NBAS: variants seen among roughly 807,000 people sequenced by gnomAD.
NBAS encodes the protein NAG/BC035112 fusion.
NBAS carries 219 observed loss-of-function variants against 302.5 expected under a neutral mutation model. That is an observed-to-expected ratio of 0.72 (90% CI 0.65 to 0.81). The LOEUF (loss-of-function observed/expected upper bound fraction) is 0.81. Among genes scored for constraint, NBAS ranks in the 30% least tolerant of loss-of-function variants. The probability of loss-of-function intolerance (pLI) is 0.00; values close to 1 mark genes in which losing one functional copy is unlikely to be tolerated. For missense variants in NBAS, 2,932 were observed against 2,841.6 expected, an observed-to-expected ratio of 1.03 and a Z score of -0.72; for synonymous variants, 1,118 against 1,021.6, an observed-to-expected ratio of 1.09 and a Z score of -1.80.
chr2:14,819,078 T>C, the NBAS span, among the ~76,000 whole-genome samples: 3 of 152,204 alleles, frequency 2.0e-5, no homozygotes, highest in Non-Finnish European at 4.4e-5. Context: ...GTCATAACCC[T>C]CTTGCCCTGA....
chr2:15,065,128 T>C, the NBAS span, among the ~76,000 whole-genome samples: 1 of 152,120 alleles, frequency 6.6e-6, no homozygotes, highest in Non-Finnish European at 1.5e-5. Flanking sequence ...TGTTAATTAG[T>C]ACAAATATGT....
At chr2:15,069,308 T>C in the NBAS span, among the ~76,000 whole-genome samples, 1 of 152,198 alleles carries the variant, frequency 6.6e-6, no homozygotes, top group Non-Finnish European at 1.5e-5. Context: ...CTAAAATAGC[T>C]CCTGATGACG....
chr2:15,501,667 G>A (rs962410461), intron 11 of NBAS, among the ~76,000 whole-genome samples: 1 of 140,120 alleles, frequency 7.1e-6, no homozygotes, highest in Non-Finnish European at 1.5e-5. Flanking sequence ...TCGGCTCACT[G>A]CAAGCTCCGC....
chr2:15,324,214 A>C (rs1415632687), intron 38 of NBAS, among the ~76,000 whole-genome samples: 2 of 152,168 alleles, frequency 1.3e-5, no homozygotes, highest in Non-Finnish European at 2.9e-5. Context: ...AAATGGAATA[A>C]TATTCTTCTA....
downstream of NBAS, among the ~76,000 whole-genome samples, chr2:15,163,046 C>T (rs1014427434): frequency 2.6e-5 from 4 of 152,214 alleles, no homozygotes; most frequent in Non-Finnish European, 1.5e-5. Flanking sequence ...GGGCCTGCCG[C>T]TATTCAGACC....
the NBAS span, among the ~76,000 whole-genome samples, chr2:14,864,648 G>A: frequency 7.9e-5 from 12 of 152,154 alleles, no homozygotes; most frequent in Admixed American, 5.9e-4. Context: ...ACATGGACTC[G>A]AGGCTTTGGG....
intron 29 of NBAS, among the ~76,000 whole-genome samples, chr2:15,382,841 A>G (rs1396395990): frequency 6.6e-6 from 1 of 152,322 alleles, no homozygotes; most frequent in Middle Eastern, 3.4e-3. Flanking sequence ...AGAGAGTTGG[A>G]AGTAGGGAAA....
At position 15,374,629 on chromosome 2, in the gene NBAS, C is replaced by A. The variant is rs778823667; in HGVS notation, c.3682G>T (p.Val1228Leu). 1.9e-6 allele frequency: 3 copies of A among 1,613,768 alleles called. No individual in the cohort carries two copies. Among genetic ancestry groups the A allele is most frequent in the African/African-American group, 2.7e-5 (2 of 75,018 alleles). ...TCACCTTGCAAAGGCAGGATCTTTA[C>A]CCCAAATTCTTCAAGACATCCAACG... ...QAVGCLEEFG[V>L]KILPLQVRLC... The change falls in exon 31 of 52, where the codon GTA becomes TTA. Residue 1228 changes from valine to leucine, a missense_variant. Physicochemically the swap from Val to Leu is conservative, Grantham distance 32. Coordinates refer to ENST00000281513, the MANE Select transcript of NBAS (RefSeq NM_015909.4).
chr2:15,248,460 T>C (rs968583227), intron 44 of NBAS, among the ~76,000 whole-genome samples: 1 of 151,812 alleles, frequency 6.6e-6, no homozygotes, highest in Non-Finnish European at 1.5e-5. Context: ...ATAACTAAGA[T>C]CAGAGCAGTA....
rs933481932 is a variant in NBAS, at chr2:15,218,774, T to G, written c.6431A>C (p.Gln2144Pro). The change falls in exon 48 of 52, where the codon CAG becomes CCG. Residue 2144 changes from glutamine to proline, a missense_variant and splice_region_variant. By Grantham distance (76) the Gln-to-Pro change is moderately conservative (BLOSUM62 -1). Coordinates refer to ENST00000281513, the MANE Select transcript of NBAS (RefSeq NM_015909.4). Reference sequence around the variant, plus strand: ...ATAATCATTCAGACACTCCCTTACCTGTCTCTGGGGCCAGGAGGCTTTGAG... The same window carrying G: ...ATAATCATTCAGACACTCCCTTACCGGTCTCTGGGGCCAGGAGGCTTTGAG... ...AILKASWPQR[Q>P]VDIADIENEE... 6.2e-7 allele frequency: 1 copy of G among 1,614,238 alleles called. No homozygotes were observed. The highest frequency in any genetic ancestry group is 8.5e-7 in the Non-Finnish European group (1 of 1,180,032).
chr2:15,480,389 A>AC (rs893422378), intron 12 of NBAS, among the ~76,000 whole-genome samples: 6 of 151,690 alleles, frequency 4.0e-5, no homozygotes, highest in African/African-American at 1.5e-4. Context: ...AAAAAAAAAA[A>AC]CCGATATTGC....
intron 25 of NBAS, among the ~76,000 whole-genome samples, chr2:15,406,124 A>AAAAAAAAAAAGAAAAAAAAAC (rs1676403816): frequency 6.6e-6 from 1 of 151,188 alleles, no homozygotes; most frequent in Non-Finnish European, 1.5e-5. Flanking sequence ...AACAAAACAA[A>AAAAAAAAAAAGAAAAAAAAAC]AAAACATGAG....
chr2:14,793,223 AT>A, the NBAS span, among the ~76,000 whole-genome samples: 1 of 152,142 alleles, frequency 6.6e-6, no homozygotes, highest in African/African-American at 2.4e-5. Context: ...GAGAAAATAA[AT>A]TTTTGTAGTT....
At chr2:14,963,426 A>T in the NBAS span, among the ~76,000 whole-genome samples, 936 of 152,352 alleles carry the variant, frequency 6.1e-3, 15 homozygotes, top group African/African-American at 0.022. Flanking sequence ...GCCTATATTT[A>T]CTATCTGGCC....
At chr2:15,166,021 GGCTGCT>G (rs1350051745), downstream of NBAS, among the ~76,000 whole-genome samples, 4 of 152,106 alleles carry the variant, frequency 2.6e-5, no homozygotes, top group African/African-American at 9.7e-5. Context: ...GCTGTGCCTC[GGCTGCT>G]GCTGTGGCTT....
chr2:15,128,387 A>C, the NBAS span, among the ~76,000 whole-genome samples: 1 of 152,240 alleles, frequency 6.6e-6, no homozygotes, highest in Non-Finnish European at 1.5e-5. Flanking sequence ...TAAATTCCAA[A>C]GCACATCTGT....
Position 15,238,599 on chromosome 2 carries a change from C to A in NBAS, c.5812G>T (p.Glu1938Ter). 6.2e-7 allele frequency: 1 copy of A among 1,613,726 alleles called. No individual in the cohort carries two copies. Among genetic ancestry groups the A allele is most frequent in the Non-Finnish European group, 8.5e-7 (1 of 1,179,954 alleles). The change falls in exon 45 of 52, where the codon GAA (glutamate) becomes TAA (stop). Residue 1938 changes from glutamate to a stop codon, truncating the protein, a stop_gained. Transcript: ENST00000281513. LOFTEE classifies it high-confidence loss of function. The stretch of plus-strand genomic sequence containing the variant: ...TCCTTAGCTTCTTGAGCTTCGTCTT[C>A]TGAGTTTCTTTTCCTTGGCTTCTCA... Reference protein sequence around the residue: ...FIEKPRKRNSEDEAQEAKDSK... With the variant: ...FIEKPRKRNS
chr2:15,475,987 T>G, intron 13 of NBAS, 107 bp from the exon 14 acceptor site: 1 of 829,600 alleles, frequency 1.2e-6, no homozygotes, highest in Non-Finnish European at 1.9e-6. Flanking sequence ...CTACATTATT[T>G]GGGCCCTAAT....
intron 44 of NBAS, among the ~76,000 whole-genome samples, chr2:15,246,584 A>G (rs1354463630): frequency 6.6e-6 from 1 of 152,212 alleles, no homozygotes; most frequent in African/African-American, 2.4e-5. Flanking sequence ...CTCTGCAGTA[A>G]GTAATTCCTG....
Sources: allele counts gnomAD v4.1 joint callset (sites outside exome capture counted in the v4.1 genomes callset), GRCh38; gene constraint gnomAD v4.1.1; transcripts MANE v1.5; gene names NCBI Gene and HGNC (gene_info 2026-07-23, HGNC 2026-07-21).